The following CNTN5 variants were observed in gnomAD, a reference collection of about 807,000 sequenced individuals.
CNTN5 encodes contactin 5, also known as contactin-5.
Under a neutral mutation model 129.1 loss-of-function variants are expected in CNTN5, and 77 were observed. The observed-to-expected ratio is 0.60, with a 90% CI of 0.50 to 0.72. The LOEUF (loss-of-function observed/expected upper bound fraction) is 0.72, where lower values mean the gene tolerates loss of function less well. Ranked by LOEUF, CNTN5 falls within the 30% of genes least tolerant of loss-of-function variation. CNTN5 has a pLI of 0.00. For missense variants in CNTN5, 1,478 were observed against 1,328.8 expected (o/e 1.11, Z -1.75); for synonymous variants, 509 against 465.6 (o/e 1.09, Z -1.20).
At chr11:99,301,784 C>G (rs1012954270) in intron 1 of CNTN5, among the ~76,000 whole-genome samples, 3 of 151,666 alleles carry the variant, frequency 2.0e-5, no homozygotes, top group Non-Finnish European at 4.4e-5. Context: ...AAAATGTGCA[C>G]TCTTCTTAAT....
chr11:99,915,401 A>T (rs908378246), intron 6 of CNTN5, among the ~76,000 whole-genome samples: 21 of 152,124 alleles, frequency 1.4e-4, no homozygotes, highest in African/African-American at 5.1e-4. Flanking sequence ...CCAATACTAT[A>T]ATCCCTTTTA....
At chr11:99,384,333 C>A (rs2136169518) in intron 2 of CNTN5, among the ~76,000 whole-genome samples, 1 of 152,224 alleles carries the variant, frequency 6.6e-6, no homozygotes, top group South Asian at 2.1e-4. Flanking sequence ...CAAACTGGTT[C>A]AAGTTGTAAA....
chr11:99,764,985 A>G (rs902601116), intron 3 of CNTN5, among the ~76,000 whole-genome samples: 4 of 152,120 alleles, frequency 2.6e-5, no homozygotes, highest in Non-Finnish European at 5.9e-5. Context: ...AGTCACATAT[A>G]TCTACTGTAT....
intron 3 of CNTN5, among the ~76,000 whole-genome samples, chr11:99,704,853 G>T (rs568079058): frequency 1.5e-4 from 22 of 151,366 alleles, no homozygotes; most frequent in Non-Finnish European, 2.1e-4. Context: ...TGTCATCAGT[G>T]ACTGAGTCTT....
intron 3 of CNTN5, among the ~76,000 whole-genome samples, chr11:99,563,212 CTT>C (rs1264313123): frequency 6.6e-6 from 1 of 152,156 alleles, no homozygotes; most frequent in Non-Finnish European, 1.5e-5. Context: ...GTACTAAACT[CTT>C]TTCTTTTAAT....
At chr11:99,889,321 TGTGTGTGTGTGTGTG>T (rs1948989257) in intron 6 of CNTN5, among the ~76,000 whole-genome samples, 1 of 144,810 alleles carries the variant, frequency 6.9e-6, no homozygotes, top group Non-Finnish European at 1.5e-5. Context: ...TGTGTGTGTG[TGTGTGTGTGTGTGTG>T]TGTGTGTGTG....
intron 2 of CNTN5, among the ~76,000 whole-genome samples, chr11:99,358,190 G>A (rs1346065599): frequency 7.8e-6 from 1 of 128,656 alleles, no homozygotes; most frequent in East Asian, 2.8e-4. Context: ...CCAGGTTCAC[G>A]CCATTCTCCT....
intron 8 of CNTN5, among the ~76,000 whole-genome samples, chr11:99,972,085 TAAAAAA>T (rs71050038): frequency 0.013 from 1,226 of 92,208 alleles, 33 homozygotes; most frequent in African/African-American, 0.048. Context: ...TTATCTCTAT[TAAAAAA>T]AAAAAAAAAA....
chr11:99,482,612 T>G (rs1945644432), intron 2 of CNTN5, among the ~76,000 whole-genome samples: 1 of 152,158 alleles, frequency 6.6e-6, no homozygotes, highest in Admixed American at 6.5e-5. Flanking sequence ...ATCAATTGTT[T>G]TCTTGAAATA....
At chr11:100,082,467 G>A (rs894566970) in intron 13 of CNTN5, among the ~76,000 whole-genome samples, 5 of 151,960 alleles carry the variant, frequency 3.3e-5, no homozygotes, top group African/African-American at 1.2e-4. Flanking sequence ...TTTTTAATTT[G>A]TTTTGGTAGA....
chr11:99,394,566 C>T (rs1238233797), intron 2 of CNTN5, among the ~76,000 whole-genome samples: 1 of 150,834 alleles, frequency 6.6e-6, no homozygotes, highest in Non-Finnish European at 1.5e-5. Context: ...ATTTTAAGTT[C>T]GGGGGTATAA....
chr11:100,075,359 G>A (rs912237094), intron 13 of CNTN5, among the ~76,000 whole-genome samples: 1 of 152,004 alleles, frequency 6.6e-6, no homozygotes, highest in African/African-American at 2.4e-5. Flanking sequence ...GTCGTCGTTG[G>A]CACTCTTACA....
At chr11:99,814,074 A>T (rs1946510504) in intron 3 of CNTN5, among the ~76,000 whole-genome samples, 1 of 152,192 alleles carries the variant, frequency 6.6e-6, no homozygotes, top group East Asian at 1.9e-4. Flanking sequence ...AGAACATTCT[A>T]ACAAGCATAC....
In CNTN5 at chr11:99,859,888, T is replaced by C. The variant is rs532837219; in HGVS notation, c.577+14626T>C. On this transcript the variant is annotated intron_variant, in intron 6 of 24. Transcript: ENST00000524871. ...CCAGTAATGAGATTGCTGGGTAGAA[T>C]GGTAATTCTAAGTTCTTTGAGAAAT... Among the ~76,000 whole-genome samples the C allele has an allele frequency of 2.8e-4, 43 of 152,298 alleles. No individual in the cohort carries two copies. In the South Asian group the frequency reaches 8.9e-3, roughly 32 times the overall value.
rs557866474 is a variant in CNTN5, at chr11:99,146,842, C to T, written c.-210+125572C>T. On this transcript the variant is annotated intron_variant, in intron 1 of 24. Coordinates refer to ENST00000524871, the MANE Select transcript of CNTN5 (RefSeq NM_014361.4). ...ACTCAATTGATCCTCCCACCTCAGC[C>T]TCCCAAGCAGCTGAGACTACAGGCA... Among the ~76,000 whole-genome samples, 13 of 152,112 alleles carry T rather than the reference C, an allele frequency of 8.5e-5. 1 individual carries two copies. The South Asian group carries it at 2.7e-3, about 32-fold the overall frequency.
intron 2 of CNTN5, among the ~76,000 whole-genome samples, chr11:99,349,433 TC>T (rs367716955): frequency 6.6e-6 from 1 of 152,220 alleles, no homozygotes; most frequent in Non-Finnish European, 1.5e-5. Flanking sequence ...CAGATTTTTT[TC>T]CCCTGGTTTT....
intron 1 of CNTN5, among the ~76,000 whole-genome samples, chr11:99,088,001 T>A (rs1866069078): frequency 6.6e-6 from 1 of 152,148 alleles, no homozygotes; most frequent in Non-Finnish European, 1.5e-5. Context: ...TCCCTAAATT[T>A]TATCTTGCAC....
At position 99,968,656 on chromosome 11, in the gene CNTN5, C is replaced by CTCTTTT. The variant is rs1951161575; in HGVS notation, c.877+11648_877+11649insCTTTTT. Among the ~76,000 whole-genome samples the CTCTTTT allele has an allele frequency of 9.5e-5, 7 of 73,908 alleles. 1 individual carries two copies. Among genetic ancestry groups the CTCTTTT allele is most frequent in the Admixed American group, 2.2e-4 (1 of 4,628 alleles). 48.5% of individuals were successfully genotyped at this position (73,908 alleles called of 152,430 possible). A position where few individuals can be genotyped will look rare whatever the true frequency, so the allele number is the denominator to read the frequency against. ...ATGGTAATTGGAATAGCTTTGGGTA[C>CTCTTTT]TTTTTTTTTTTTTTTTTTTTTTTTT... On this transcript the variant is annotated intron_variant, in intron 8 of 24. Transcript: ENST00000524871.
chr11:99,717,578 C>T (rs1475309298), intron 3 of CNTN5, among the ~76,000 whole-genome samples: 1 of 151,936 alleles, frequency 6.6e-6, no homozygotes, highest in Non-Finnish European at 1.5e-5. Context: ...TTTAATTAAA[C>T]AGGTGTTCCG....
Sources: gnomAD v4.1 joint callset for allele counts (sites outside exome capture counted in the v4.1 genomes callset) on GRCh38, gnomAD v4.1.1 for gene constraint, MANE v1.5 for transcripts, NCBI Gene and HGNC (gene_info 2026-07-23, HGNC 2026-07-21) for gene names.